The following IFRD2 variants were observed in gnomAD, a reference collection of about 807,000 sequenced individuals.
IFRD2 encodes the protein interferon related developmental regulator 2.
In IFRD2, 35 loss-of-function variants were observed where a neutral mutation model predicts 49.2. That is an observed-to-expected ratio of 0.71 (90% CI 0.54 to 0.94). The LOEUF (loss-of-function observed/expected upper bound fraction) is 0.94. IFRD2 is among the 40% of genes least tolerant of loss of function. IFRD2 has a pLI of 0.00. For missense variants in IFRD2, 561 were observed against 591.6 expected, an observed-to-expected ratio of 0.95 and a Z score of 0.54; for synonymous variants, 275 against 239.7, an observed-to-expected ratio of 1.15 and a Z score of -1.36.
rs1553709252 is a variant in IFRD2 at position 50,289,375 on chromosome 3, G to A, written c.780-15C>T. 5.0e-6 allele frequency: 8 copies of A among 1,586,304 alleles called. No homozygotes were observed. The South Asian group carries it at 8.0e-5, about 16-fold the overall frequency. ...GGGGCAGCTGCCTAGGGAAGGGGCA[G>A]GCTGAGCTATATGTGTGGCTTGGGG... On this transcript the variant is annotated splice_polypyrimidine_tract_variant and intron_variant, in intron 7 of 11. Coordinates refer to ENST00000417626, the MANE Select transcript of IFRD2 (RefSeq NM_006764.5).
At chr3:50,288,297 C>T in intron 11 of IFRD2, 26 bp from the exon 12 acceptor site, 1 of 1,611,650 alleles carries the variant, frequency 6.2e-7, no homozygotes. Flanking sequence ...AGAGTGACAC[C>T]CTGGGGAGCT....
At chr3:50,290,725 G>A in intron 1 of IFRD2, 46 bp from the exon 2 acceptor site, 1 of 1,599,232 alleles carries the variant, frequency 6.3e-7, no homozygotes, top group Non-Finnish European at 8.5e-7. Context: ...TACTGATGAG[G>A]GATGGCTGGG....
rs782487160 is a variant in IFRD2 at position 50,288,604 on chromosome 3, C to A, written c.1131G>T (p.Ser377=). Residue 377 remains serine, a synonymous_variant, in exon 10 of 12, where the codon TCG becomes TCT. Transcript: ENST00000417626. ...GCACCTGGAGGTGGTGGTGCATGCC[C>A]GAACCCAGCACTTCCTTGAAGGCAG... ...IYAAFKEVLG[S]GMHHHLQNNE... 1.9e-6 allele frequency: 3 copies of A among 1,613,900 alleles called. No individual in the cohort carries two copies. The highest frequency in any genetic ancestry group is 1.7e-6 in the Non-Finnish European group (2 of 1,179,870).
At chr3:50,291,935 G>A in intron 1 of IFRD2, 1 of 467,052 alleles carries the variant, frequency 2.1e-6, no homozygotes, top group Admixed American at 4.0e-5. Context: ...TGCCCTGTCC[G>A]GTGAGTTTGT....
Position 50,289,444 on chromosome 3 carries a change from T to C in IFRD2, c.779+3A>G, listed in dbSNP as rs1256346323. 1.9e-6 allele frequency: 3 copies of C among 1,573,364 alleles called. No homozygotes were observed. Among genetic ancestry groups the C allele is most frequent in the African/African-American group, 1.4e-5 (1 of 73,912 alleles). Reference sequence around the variant, plus strand: ...CCCCCTCCCAGTGGACAGCCACCCCTACCTGTCAAGGATGTGGCTGATTTG... The same window carrying C: ...CCCCCTCCCAGTGGACAGCCACCCCCACCTGTCAAGGATGTGGCTGATTTG... On this transcript the variant is annotated splice_donor_region_variant and intron_variant, in intron 7 of 11. Transcript: ENST00000417626.
chr3:50,292,284 CGG>C lies in IFRD2; in HGVS notation c.-12_-11del. On this transcript the variant is annotated 5_prime_UTR_variant, in exon 1 of 12. Coordinates refer to ENST00000417626, the MANE Select transcript of IFRD2 (RefSeq NM_006764.5). ...TACGGGCGCGAGGCATGCCGGGAAC[CGG>C]GCGCGGGGGGCGCGGGGTCAGGGAC... The C allele has an allele frequency of 6.4e-7, 1 of 1,553,674 alleles. No individual in the cohort carries two copies. The highest frequency in any genetic ancestry group is 8.7e-7 in the Non-Finnish European group (1 of 1,153,988).
chr3:50,292,320 T>C lies in IFRD2; in HGVS notation c.-46A>G. On this transcript the variant is annotated 5_prime_UTR_variant, in exon 1 of 12. Transcript: ENST00000417626. ...GGCGCGGGGTCAGGGACCCGGTGGG[T>C]GTGGGCTCCAGGCCAACGAGACGCC... The C allele has an allele frequency of 6.4e-7, 1 of 1,566,320 alleles. No homozygotes were observed. Among genetic ancestry groups the C allele is most frequent in the Middle Eastern group, 1.9e-4 (1 of 5,402 alleles).
In IFRD2 at chr3:50,288,782, A is replaced by C. The variant is rs782077055; in HGVS notation, c.1023+18T>G. The C allele has an allele frequency of 5.0e-6, 8 of 1,612,874 alleles. No individual in the cohort carries two copies. The highest frequency in any genetic ancestry group is 5.9e-6 in the Non-Finnish European group (7 of 1,179,296). Reference sequence around the variant, plus strand: ...TGGGGGTGCACCCTTGCTAGGACACATATGTTCTCACACACACCTCCACGG... The same window carrying C: ...TGGGGGTGCACCCTTGCTAGGACACCTATGTTCTCACACACACCTCCACGG... On this transcript the variant is annotated intron_variant, in intron 9 of 11. Coordinates refer to ENST00000417626, the MANE Select transcript of IFRD2 (RefSeq NM_006764.5).
Position 50,288,598 on chromosome 3 carries a change from C to T in IFRD2, c.1137G>A (p.Met379Ile). 1.9e-6 allele frequency: 3 copies of T among 1,613,976 alleles called. No individual in the cohort carries two copies. The highest frequency in any genetic ancestry group is 2.5e-6 in the Non-Finnish European group (3 of 1,179,876). Residue 379 changes from methionine (M) to isoleucine (I), a missense_variant, in exon 10 of 12, where the codon ATG becomes ATA. Transcript: ENST00000417626. ...AAFKEVLGSG[M>I]HHHLQNNELL... Reference sequence around the variant, plus strand: ...GTCCCCGCACCTGGAGGTGGTGGTGCATGCCCGAACCCAGCACTTCCTTGA... The same window carrying T: ...GTCCCCGCACCTGGAGGTGGTGGTGTATGCCCGAACCCAGCACTTCCTTGA...
At position 50,290,279 on chromosome 3, in the gene IFRD2, C is replaced by G. The variant is rs1553709562; in HGVS notation, c.279G>C (p.Gln93His). Residue 93 changes from glutamine to histidine, a missense_variant, in exon 4 of 12, where the codon CAG becomes CAC. Coordinates refer to ENST00000417626, the MANE Select transcript of IFRD2 (RefSeq NM_006764.5). ...CLTDKSAKTRQGALESLRLAL... is the reference protein window; with the variant it reads ...CLTDKSAKTRHGALESLRLAL... ...CCAGGCGCAGGCTCTCAAGAGCACC[C>G]TGCCGGGTCTTGGCACTGGGGGAGG... The G allele has an allele frequency of 6.2e-7, 1 of 1,611,540 alleles. No individual in the cohort carries two copies. Among genetic ancestry groups the G allele is most frequent in the South Asian group, 1.1e-5 (1 of 90,650 alleles).
intron 11 of IFRD2, 22 bp downstream of exon 11, chr3:50,288,387 A>G: frequency 6.2e-7 from 1 of 1,608,676 alleles, no homozygotes; most frequent in Non-Finnish European, 8.5e-7. Flanking sequence ...GGGGGAAGAG[A>G]AAGGTGCCCA....
At chr3:50,290,734 G>C in intron 1 of IFRD2, 55 bp from the exon 2 acceptor site, 3 of 1,593,432 alleles carry the variant, frequency 1.9e-6, no homozygotes, top group Non-Finnish European at 2.6e-6. Context: ...GGGATGGCTG[G>C]GGGTACCTCA....
rs1169198290 is a variant in IFRD2, at chr3:50,292,385, GCCACACGCCACGCGCGCCA to G, written c.-130_-112del. 5.7e-6 allele frequency: 9 copies of G among 1,584,142 alleles called. No individual in the cohort carries two copies. The highest frequency in any genetic ancestry group is 3.3e-4 in the Middle Eastern group (2 of 6,022). On this transcript the variant is annotated 5_prime_UTR_variant, in exon 1 of 12. It removes the in-frame stop codon of an upstream open reading frame in the 5' UTR. Coordinates refer to ENST00000417626, the MANE Select transcript of IFRD2 (RefSeq NM_006764.5). ...GCTGAGACTTGGCCAGACGACGGGA[GCCACACGCCACGCGCGCCA>G]CCATCTTCGCGAGGCGCCCCGCCCT...
chr3:50,291,349 C>A (rs1426266934), intron 1 of IFRD2, among the ~76,000 whole-genome samples: 1 of 152,184 alleles, frequency 6.6e-6, no homozygotes, highest in Middle Eastern at 3.4e-3. Flanking sequence ...GCCGGAGCAG[C>A]CCAGCCTTCC....
chr3:50,292,070 C>G lies in IFRD2; in HGVS notation c.58+147G>C. 6.9e-6 allele frequency: 6 copies of G among 874,344 alleles called. No homozygotes were observed. The South Asian group carries it at 1.2e-4, about 17-fold the overall frequency. The allele number at this position is 874,344 out of a possible 1,614,324, so 54.2% of individuals were successfully genotyped here. On this transcript the variant is annotated intron_variant, in intron 1 of 11. Coordinates refer to ENST00000417626, the MANE Select transcript of IFRD2 (RefSeq NM_006764.5). ...CACGTGGCCAATGACTGCTGGGGCA[C>G]GTGCCAGCCTCGGTAGAGTTATGGG... is the stretch of plus-strand genomic sequence containing the variant.
rs116075629 is a variant in IFRD2, at chr3:50,290,742, T to C, written c.59-63A>G. 1,664 of 1,570,950 alleles carry C rather than the reference T, an allele frequency of 1.1e-3. 14 individuals are homozygous for C. The African/African-American group carries it at 0.02, about 19-fold the overall frequency. ...CTGATGAGGGATGGCTGGGGGTACC[T>C]CACTCGACCTCATAATCCCAAAAGA... is the stretch of plus-strand genomic sequence containing the variant. On this transcript the variant is annotated intron_variant, in intron 1 of 11. Transcript: ENST00000417626.
intron 8 of IFRD2, 151 bp downstream of exon 8, chr3:50,289,103 AC>A: frequency 8.8e-7 from 1 of 1,141,458 alleles, no homozygotes; most frequent in Non-Finnish European, 1.3e-6. Context: ...TGCTGAGGGC[AC>A]CCATCATGAC....
At position 50,290,175 on chromosome 3, in the gene IFRD2, T is replaced by C. The variant is rs1701646418; in HGVS notation, c.383A>G (p.Lys128Arg). Residue 128 changes from lysine to arginine, a missense_variant, in exon 4 of 12, where the codon AAG becomes AGG. Transcript: ENST00000417626. ...TLADALEKCLKKGKGEEQALA... is the reference protein window; with the variant it reads ...TLADALEKCLRKGKGEEQALA... ...CACACACCCCCAGGTCCAACCTTTC[T>C]TGAGGCACTTTTCCAGGGCATCGGC... The C allele has an allele frequency of 6.2e-7, 1 of 1,613,680 alleles. No individual in the cohort carries two copies. Among genetic ancestry groups the C allele is most frequent in the African/African-American group, 1.3e-5 (1 of 74,954 alleles).
In IFRD2 at chr3:50,288,078, T is replaced by C. The variant is rs1701590321; in HGVS notation, c.*113A>G. The C allele has an allele frequency of 9.7e-7, 1 of 1,031,084 alleles. No homozygotes were observed. The highest frequency in any genetic ancestry group is 2.1e-5 in the Admixed American group (1 of 47,796). The allele number at this position is 1,031,084 out of a possible 1,614,324, so 63.9% of individuals were successfully genotyped here. ...CCCACCCCATGTCTGTTTTTGGTTT[T>C]GTCATTAAAAAAAATAAAGTGACAA... On this transcript the variant is annotated 3_prime_UTR_variant, in exon 12 of 12. Transcript: ENST00000417626.
Sources: allele counts gnomAD v4.1 joint callset (sites outside exome capture counted in the v4.1 genomes callset), GRCh38; gene constraint gnomAD v4.1.1; transcripts MANE v1.5; gene names NCBI Gene and HGNC (gene_info 2026-07-23, HGNC 2026-07-21).